TPM4: variants seen among roughly 807,000 people sequenced by gnomAD.
The protein encoded by TPM4 is tropomyosin alpha-4 chain.
A neutral mutation model predicts 35.8 loss-of-function variants in TPM4; 17 were observed. That is an observed-to-expected ratio of 0.47 (90% CI 0.32 to 0.71). TPM4 has a LOEUF of 0.71. Ranked by LOEUF, TPM4 falls within the 30% of genes least tolerant of loss-of-function variation. The pLI is 0.03. For missense variants in TPM4, 240 were observed against 320.9 expected, an observed-to-expected ratio of 0.75 and a Z score of 1.93; for synonymous variants, 120 against 122.9, an observed-to-expected ratio of 0.98 and a Z score of 0.15.
rs138706507 is a variant in TPM4 at position 16,067,991 on chromosome 19, G to A, written c.114+253G>A. The A allele has an allele frequency of 1.3e-3, 637 of 495,994 alleles. 1 individual carries two copies. The highest frequency in any genetic ancestry group is 3.1e-3 in the Middle Eastern group (6 of 1,946). The allele number at this position is 495,994 out of a possible 1,614,324, so 30.7% of individuals were successfully genotyped here. On this transcript the variant is annotated intron_variant, in intron 2 of 2. Transcript: ENST00000589897. The surrounding 1 kb of genome is among the most constrained non-coding windows in gnomAD (Gnocchi z 4.1). The stretch of plus-strand genomic sequence containing the variant: ...AGTTTGACAGAGAGAGAGTTGGCGG[G>A]GGAGGGAGAGTGAGAACGTTCGTGA...
chr19:16,087,048 C>T (rs1038940607), intron 3 of TPM4, among the ~76,000 whole-genome samples: 2 of 152,236 alleles, frequency 1.3e-5, no homozygotes, highest in East Asian at 1.9e-4. Flanking sequence ...TCGACCGAGG[C>T]GGGAGGATCA....
At chr19:16,095,714 C>T (rs938971294) in intron 7 of TPM4, 6 of 460,496 alleles carry the variant, frequency 1.3e-5, no homozygotes, top group African/African-American at 2.1e-5. Flanking sequence ...TCTCAGATAC[C>T]GCTGTTAGCT....
chr19:16,077,880 G>T, intron 1 of TPM4: 1 of 303,978 alleles, frequency 3.3e-6, no homozygotes, highest in East Asian at 5.2e-5. Context: ...TCCTGCTTCA[G>T]CCTCCCGAGT....
intron 1 of TPM4, chr19:16,077,831 G>A (rs1435496764): frequency 4.1e-6 from 1 of 243,320 alleles, no homozygotes; most frequent in Non-Finnish European, 7.8e-6. Context: ...GTGCGATCTC[G>A]GCTCGCTGCA....
At chr19:16,082,171 A>C in intron 2 of TPM4, 125 bp downstream of exon 2, 2 of 1,312,844 alleles carry the variant, frequency 1.5e-6, no homozygotes, top group Non-Finnish European at 2.1e-6. Flanking sequence ...GTCCACAAAA[A>C]AGTGCATGAC....
upstream of TPM4, among the ~76,000 whole-genome samples, chr19:16,073,963 C>CA (rs34116610): frequency 0.52 from 37,685 of 71,948 alleles, 9,084 homozygotes; most frequent in Admixed American, 0.59. Flanking sequence ...AAAAAAAACG[C>CA]AAAAAAAAAA....
intron 3 of TPM4, among the ~76,000 whole-genome samples, chr19:16,086,836 C>T (rs1363096688): frequency 6.6e-6 from 1 of 152,136 alleles, no homozygotes; most frequent in Admixed American, 6.5e-5. Context: ...TGGTCCCAAG[C>T]CATGGAGTTT....
chr19:16,093,686 T>C lies in TPM4; in HGVS notation c.597T>C (p.Ala199=), dbSNP rs1044629384. 3.2e-5 allele frequency: 52 copies of C among 1,614,082 alleles called. No individual in the cohort carries two copies. The highest frequency in any genetic ancestry group is 4.4e-5 in the Non-Finnish European group (52 of 1,180,042). The change falls in exon 7 of 8, where the codon GCT becomes GCC. Residue 199 remains alanine, a splice_region_variant and synonymous_variant. Coordinates refer to ENST00000643579, the MANE Select transcript of TPM4 (RefSeq NM_003290.3). ...GTAACTCCTTTCTTCTTATCTAGGC[T>C]GAGACCCGTGCTGAATTTGCAGAGA... The part of the protein sequence containing the change: ...IKLLSDKLKE[A]ETRAEFAERT...
At position 16,090,369 on chromosome 19, in the gene TPM4, T is replaced by C. The variant is rs555659786; in HGVS notation, c.531+1249T>C. Among the ~76,000 whole-genome samples, 84 of 150,662 alleles carry C rather than the reference T, an allele frequency of 5.6e-4. 1 individual carries two copies. Among genetic ancestry groups the C allele is most frequent in the African/African-American group, 2.0e-3 (80 of 41,016 alleles). ...CTGGCCTCAAGTGATCCTCCCACCT[T>C]AGCCTCCCAAAGTGCTGGGATTACA... On this transcript the variant is annotated intron_variant, in intron 5 of 7. Transcript: ENST00000643579.
chr19:16,093,692 C>G lies in TPM4; in HGVS notation c.603C>G (p.Thr201=). 1.2e-6 allele frequency: 2 copies of G among 1,614,056 alleles called. No individual in the cohort carries two copies. The highest frequency in any genetic ancestry group is 2.2e-5 in the East Asian group (1 of 44,888). ...LLSDKLKEAE[T]RAEFAERTVA... is the part of the protein sequence containing the mutation. ...CCTTTCTTCTTATCTAGGCTGAGAC[C>G]CGTGCTGAATTTGCAGAGAGAACGG... Residue 201 remains threonine (T), a synonymous_variant, in exon 7 of 8, where the codon ACC becomes ACG. Coordinates refer to ENST00000643579, the MANE Select transcript of TPM4 (RefSeq NM_003290.3).
chr19:16,101,441 G>A lies in TPM4; in HGVS notation c.*95G>A, dbSNP rs563013997. The A allele has an allele frequency of 1.5e-3, 1,330 of 906,388 alleles. 4 individuals are homozygous for A. Among genetic ancestry groups the A allele is most frequent in the Non-Finnish European group, 1.9e-3 (1,164 of 625,510 alleles). The allele number at this position is 906,388 out of a possible 1,614,324, so 56.1% of individuals were successfully genotyped here. A position where few individuals can be genotyped will look rare whatever the true frequency, so the allele number is the denominator to read the frequency against. On this transcript the variant is annotated 3_prime_UTR_variant, in exon 8 of 8. Transcript: ENST00000643579. ...AGTTCCTTTTGTTATTGCCATCTTC[G>A]CTTTGCTGGAAATGTCAAGCAAATT...
chr19:16,086,434 T>C lies in TPM4; in HGVS notation c.278T>C (p.Val93Ala). The change falls in exon 3 of 8, where the codon GTG becomes GCG. Residue 93 changes from valine (V) to alanine (A), a missense_variant. Val to Ala is a moderately conservative substitution (Grantham distance 64). Coordinates refer to ENST00000643579, the MANE Select transcript of TPM4 (RefSeq NM_003290.3). ...ATTGCTCCTTGCAGAGGAATGAAGG[T>C]GATAGAAAACCGGGCCATGAAGGAT... ...AADESERGMKVIENRAMKDEE... is the reference protein window; with the variant it reads ...AADESERGMKAIENRAMKDEE... 1 of 1,612,660 alleles carries C rather than the reference T, an allele frequency of 6.2e-7. No homozygotes were observed. The highest frequency in any genetic ancestry group is 8.5e-7 in the Non-Finnish European group (1 of 1,179,864).
intron 2 of TPM4, among the ~76,000 whole-genome samples, chr19:16,083,463 G>C (rs1329455311): frequency 6.6e-6 from 1 of 152,102 alleles, no homozygotes; most frequent in East Asian, 1.9e-4. Context: ...AACTGACCAC[G>C]TTCCTCACCC....
At chr19:16,092,333 G>A (rs1376451792) in intron 5 of TPM4, among the ~76,000 whole-genome samples, 1 of 152,032 alleles carries the variant, frequency 6.6e-6, no homozygotes, top group African/African-American at 2.4e-5. Context: ...GGAAGGTGGT[G>A]GAGAATGGGG....
intron 5 of TPM4, 114 bp downstream of exon 5, chr19:16,089,234 C>T (rs1173871629): frequency 4.3e-6 from 6 of 1,379,484 alleles, no homozygotes; most frequent in South Asian, 1.3e-5. Flanking sequence ...TTAACAGTAG[C>T]GTTGGTGCCT....
intron 2 of TPM4, among the ~76,000 whole-genome samples, chr19:16,068,169 CGTGT>C (rs35984570): frequency 0.053 from 7,839 of 148,316 alleles, 587 homozygotes; most frequent in African/African-American, 0.17. Flanking sequence ...TGCATGTGTG[CGTGT>C]GTGTGTGTGT....
At position 16,102,109 on chromosome 19, in the gene TPM4, G is replaced by C. The variant is rs2090768897; in HGVS notation, c.*763G>C. On this transcript the variant is annotated 3_prime_UTR_variant, in exon 8 of 8. Coordinates refer to ENST00000643579, the MANE Select transcript of TPM4 (RefSeq NM_003290.3). Reference sequence around the variant, plus strand: ...CTTTCGCCTGTAATCCCAACACTTTGGGAGGCCAGGACAGATCACTTGAGG... The same window carrying C: ...CTTTCGCCTGTAATCCCAACACTTTCGGAGGCCAGGACAGATCACTTGAGG... The C allele has an allele frequency of 5.1e-6, 1 of 196,556 alleles. No homozygotes were observed. The highest frequency in any genetic ancestry group is 8.0e-5 in the East Asian group (1 of 12,552). The allele number at this position is 196,556 out of a possible 1,614,324, so 12.2% of individuals were successfully genotyped here.
At chr19:16,084,352 T>C (rs2090522478) in intron 2 of TPM4, among the ~76,000 whole-genome samples, 1 of 152,238 alleles carries the variant, frequency 6.6e-6, no homozygotes, top group Non-Finnish European at 1.5e-5. Context: ...GAACAGACGC[T>C]ACTGCAGACT....
At chr19:16,087,957 T>C (rs2090578270) in intron 3 of TPM4, 70 bp from the exon 4 acceptor site, 1 of 1,521,056 alleles carries the variant, frequency 6.6e-7, no homozygotes, top group Non-Finnish European at 9.0e-7. Flanking sequence ...CATTGGGGGC[T>C]GTCTGCAGTG....
Sources: gnomAD v4.1 joint callset for allele counts (sites outside exome capture counted in the v4.1 genomes callset) on GRCh38, gnomAD v4.1.1 for gene constraint, Gnocchi (gnomAD v3.1) non-coding constraint, MANE v1.5 for transcripts, NCBI Gene and HGNC (gene_info 2026-07-23, HGNC 2026-07-21) for gene names.